FRMD5: variants seen among roughly 807,000 people sequenced by gnomAD.
FRMD5 encodes the protein FERM domain-containing protein 5.
Under a neutral mutation model 69.0 loss-of-function variants are expected in FRMD5, and 20 were observed. That is an observed-to-expected ratio of 0.29 (90% CI 0.20 to 0.42). FRMD5 has a LOEUF of 0.42. Ranked by LOEUF, FRMD5 falls within the 10% of genes least tolerant of loss-of-function variation. FRMD5 has a pLI of 1.00. For missense variants in FRMD5, 595 were observed against 708.6 expected (o/e 0.84, Z 1.82); for synonymous variants, 271 against 260.1 (o/e 1.04, Z -0.40).
chr15:44,035,329 G>A (rs1052901964), intron 1 of FRMD5, among the ~76,000 whole-genome samples: 2 of 152,208 alleles, frequency 1.3e-5, no homozygotes, highest in Non-Finnish European at 2.9e-5. Flanking sequence ...TGAACAGGTT[G>A]TATACCACTT....
In FRMD5 at chr15:43,986,318, T is replaced by G. The variant is rs139834469; in HGVS notation, c.103-62009A>C. ...GAAAGAGGGAACTGGCTAACGAAGATGAAAATGCAGCAAAGTAACAAAAAG... is the reference window on the plus strand; with the variant it reads ...GAAAGAGGGAACTGGCTAACGAAGAGGAAAATGCAGCAAAGTAACAAAAAG... On this transcript the variant is annotated intron_variant, in intron 1 of 13. Transcript: ENST00000417257. 2.6e-5 allele frequency among the ~76,000 whole-genome samples: 4 copies of G among 152,192 alleles called. No individual in the cohort carries two copies. In the East Asian group the frequency reaches 7.7e-4, roughly 29 times the overall value.
intron 1 of FRMD5, among the ~76,000 whole-genome samples, chr15:44,012,192 G>C (rs1417140845): frequency 6.6e-6 from 1 of 152,178 alleles, no homozygotes; most frequent in East Asian, 1.9e-4. Flanking sequence ...TTCACATTTT[G>C]TTTCTCAAGC....
At chr15:44,017,134 C>T (rs1278294726) in intron 1 of FRMD5, among the ~76,000 whole-genome samples, 1 of 151,916 alleles carries the variant, frequency 6.6e-6, no homozygotes, top group Non-Finnish European at 1.5e-5. Flanking sequence ...GTCAGGAGAT[C>T]AAGACCATCC....
rs571317153 is a variant in FRMD5 at position 44,127,739 on chromosome 15, G to C, written c.102+67214C>G. Among the ~76,000 whole-genome samples, 9 of 152,092 alleles carry C rather than the reference G, an allele frequency of 5.9e-5. No homozygotes were observed. The East Asian group carries it at 1.7e-3, about 30-fold the overall frequency. ...AAAATACAAAAATTAGCTGGGCATG[G>C]GGCACACCTGTAGTCCCAGCTACTT... is the stretch of plus-strand genomic sequence containing the variant. On this transcript the variant is annotated intron_variant, in intron 1 of 13. Transcript: ENST00000417257.
intron 1 of FRMD5, among the ~76,000 whole-genome samples, chr15:44,016,031 C>A (rs1890941370): frequency 6.6e-6 from 1 of 152,212 alleles, no homozygotes; most frequent in Non-Finnish European, 1.5e-5. Flanking sequence ...AAAAGACTAA[C>A]ACCTTGCCTT....
At chr15:44,153,330 G>GATGAATGA in intron 1 of FRMD5, among the ~76,000 whole-genome samples, 1 of 152,316 alleles carries the variant, frequency 6.6e-6, no homozygotes, top group East Asian at 1.9e-4. Flanking sequence ...TCCATCAACA[G>GATGAATGA]ATGAATGAAT....
chr15:44,160,854 C>G (rs2077605405), intron 1 of FRMD5, among the ~76,000 whole-genome samples: 2 of 152,084 alleles, frequency 1.3e-5, no homozygotes, highest in African/African-American at 4.8e-5. Flanking sequence ...ATTTTTAAAA[C>G]CTATATAACC....
rs757565009 is a variant in FRMD5 at position 43,928,170 on chromosome 15, C to T, written c.103-3861G>A. Among the ~76,000 whole-genome samples, 28 of 152,312 alleles carry T rather than the reference C, an allele frequency of 1.8e-4. No individual in the cohort carries two copies. In the East Asian group the frequency reaches 4.0e-3, roughly 22 times the overall value. On this transcript the variant is annotated intron_variant, in intron 1 of 13. Transcript: ENST00000417257. The stretch of plus-strand genomic sequence containing the variant: ...CTGGTGAATCCCCCTGCTCCCCCGC[C>T]GTGAAGACATAGTTCCCTCAAGTTC...
chr15:44,049,293 C>A (rs1390809151), intron 1 of FRMD5, among the ~76,000 whole-genome samples: 1 of 152,138 alleles, frequency 6.6e-6, no homozygotes, highest in East Asian at 1.9e-4. Flanking sequence ...ATCTGTACCA[C>A]CATCTGACCA....
chr15:44,071,425 T>TAAACAAAACAAAACAAAACA (rs140305798), intron 1 of FRMD5, among the ~76,000 whole-genome samples: 2 of 151,196 alleles, frequency 1.3e-5, no homozygotes, highest in Admixed American at 6.6e-5. Flanking sequence ...AGACCCTGTC[T>TAAACAAAACAAAACAAAACA]AAACAAAACA....
chr15:43,882,547 C>T lies in FRMD5; in HGVS notation c.1135+1156G>A, dbSNP rs574350927. The stretch of plus-strand genomic sequence containing the variant: ...TTAATTTTTGTATTTTTAGTAGAGA[C>T]GGGGTTTCACCATGTTGGCCAGGCT... On this transcript the variant is annotated intron_variant, in intron 13 of 13. Transcript: ENST00000417257. Among the ~76,000 whole-genome samples, 7 of 151,958 alleles carry T rather than the reference C, an allele frequency of 4.6e-5. No individual in the cohort carries two copies. The East Asian group carries it at 5.9e-4, about 13-fold the overall frequency.
intron 13 of FRMD5, among the ~76,000 whole-genome samples, chr15:43,880,063 A>T (rs1012872828): frequency 6.6e-6 from 1 of 152,182 alleles, no homozygotes; most frequent in Non-Finnish European, 1.5e-5. Flanking sequence ...CCCAGAGGGT[A>T]AGGGGAATCA....
At chr15:44,034,596 T>C (rs1469147766) in intron 1 of FRMD5, among the ~76,000 whole-genome samples, 1 of 152,276 alleles carries the variant, frequency 6.6e-6, no homozygotes, top group African/African-American at 2.4e-5. Flanking sequence ...AATGGGGTTA[T>C]GTGCCCATCT....
chr15:44,072,411 T>C (rs1050392021), intron 1 of FRMD5, among the ~76,000 whole-genome samples: 11 of 152,334 alleles, frequency 7.2e-5, no homozygotes, highest in African/African-American at 2.4e-4. Context: ...CTACTTGTTA[T>C]AACAGCAAAT....
At chr15:44,192,239 A>C (rs1200844114) in intron 1 of FRMD5, among the ~76,000 whole-genome samples, 1 of 152,180 alleles carries the variant, frequency 6.6e-6, no homozygotes, top group Non-Finnish European at 1.5e-5. Flanking sequence ...TAAATGCTGC[A>C]TTATGAAAGG....
At chr15:43,898,752 T>C (rs1257438890) in intron 7 of FRMD5, among the ~76,000 whole-genome samples, 2 of 152,178 alleles carry the variant, frequency 1.3e-5, no homozygotes, top group African/African-American at 4.8e-5. Context: ...GCTGTAGGCT[T>C]GGGCTGCTGG....
intron 1 of FRMD5, among the ~76,000 whole-genome samples, chr15:44,067,145 T>C (rs1389585515): frequency 1.3e-5 from 2 of 152,098 alleles, no homozygotes; most frequent in African/African-American, 4.8e-5. Flanking sequence ...TGGAAACTTA[T>C]TGAGACAGAG....
At chr15:44,131,447 T>C (rs1055111851) in intron 1 of FRMD5, among the ~76,000 whole-genome samples, 1 of 151,990 alleles carries the variant, frequency 6.6e-6, no homozygotes, top group Admixed American at 6.5e-5. Context: ...CTACTCTGGG[T>C]GTATACTCAA....
At chr15:44,023,839 A>G (rs539484355) in intron 1 of FRMD5, among the ~76,000 whole-genome samples, 17 of 152,284 alleles carry the variant, frequency 1.1e-4, no homozygotes, top group Admixed American at 9.2e-4. Flanking sequence ...TCAGGACACA[A>G]GGGCAGTACT....
Sources: allele counts gnomAD v4.1 joint callset (sites outside exome capture counted in the v4.1 genomes callset), GRCh38; gene constraint gnomAD v4.1.1; transcripts MANE v1.5; gene names NCBI Gene and HGNC (gene_info 2026-07-23, HGNC 2026-07-21).